HEATR1: variants seen among roughly 807,000 people sequenced by gnomAD.
HEATR1 encodes HEAT repeat containing 1, also known as HEAT repeat-containing protein 1.
Under a neutral mutation model 248.2 loss-of-function variants are expected in HEATR1, and 77 were observed. That is an observed-to-expected ratio of 0.31 (90% CI 0.26 to 0.37). The LOEUF (loss-of-function observed/expected upper bound fraction) is 0.37. Among genes scored for constraint, HEATR1 ranks in the 10% least tolerant of loss-of-function variants. The pLI is 1.00. For synonymous variants in HEATR1, 897 were observed against 923.1 expected (o/e 0.97, Z 0.51); for missense variants, 2,420 against 2,504.9 (o/e 0.97, Z 0.72).
At chr1:236,570,158 G>A (rs1367979489) in intron 28 of HEATR1, among the ~76,000 whole-genome samples, 1 of 152,058 alleles carries the variant, frequency 6.6e-6, no homozygotes, top group South Asian at 2.1e-4. Flanking sequence ...GCGTGGTGGC[G>A]GGTGCCTGTA....
chr1:236,582,795 T>A lies in HEATR1; in HGVS notation c.2503A>T (p.Met835Leu), dbSNP rs1230488285. The change falls in exon 19 of 45, where the codon ATG (methionine) becomes TTG (leucine). Residue 835 changes from methionine (M) to leucine (L), a missense_variant. Physicochemically the swap from Met to Leu is conservative, Grantham distance 15 (BLOSUM62 2). Transcript: ENST00000366582. ...ACAGCATCGGCACCATTGAGCATCA[T>A]CTCAAACAGCCCAATGAGCAAGTGC... ...YLHLLIGLFE[M>L]MLNGADAVHF... The A allele has an allele frequency of 3.7e-6, 6 of 1,614,138 alleles. No homozygotes were observed. The East Asian group carries it at 1.3e-4, about 36-fold the overall frequency.
At position 236,599,391 on chromosome 1, in the gene HEATR1, T is replaced by C. The variant is rs1445186953; in HGVS notation, c.501+92A>G. ...AAATGATGGAGGTAGTTATCTGGAC[T>C]ATCCCCAGGAGCAATGACTTATTTT... On this transcript the variant is annotated intron_variant, in intron 4 of 44. Transcript: ENST00000366582. The C allele has an allele frequency of 3.0e-6, 3 of 987,706 alleles. No homozygotes were observed. In the African/African-American group the frequency reaches 4.9e-5, roughly 16 times the overall value. The allele number at this position is 987,706 out of a possible 1,614,324, so 61.2% of individuals were successfully genotyped here.
chr1:236,567,160 T>C (rs962571061), intron 29 of HEATR1, among the ~76,000 whole-genome samples: 4 of 152,064 alleles, frequency 2.6e-5, no homozygotes, highest in African/African-American at 9.7e-5. Context: ...TTAAAAATTT[T>C]TGTAGAGACG....
intron 35 of HEATR1, 123 bp from the exon 36 acceptor site, chr1:236,558,652 G>T: frequency 1.1e-6 from 1 of 938,412 alleles, no homozygotes; most frequent in Non-Finnish European, 1.6e-6. Flanking sequence ...GAGTCACACA[G>T]TCATGCTAAG....
Position 236,571,300 on chromosome 1 carries a change from G to A in HEATR1, c.3948+51C>T, listed in dbSNP as rs773862808. On this transcript the variant is annotated intron_variant, in intron 28 of 44. Coordinates refer to ENST00000366582, the MANE Select transcript of HEATR1 (RefSeq NM_018072.6). The stretch of plus-strand genomic sequence containing the variant: ...CAACAGGTGCCAGTGCATTTCTGTG[G>A]AAGAAAAATATCTGAAATATCTGCT... The A allele has an allele frequency of 1.9e-6, 3 of 1,547,058 alleles. No individual in the cohort carries two copies. In the African/African-American group the frequency reaches 4.2e-5, roughly 22 times the overall value.
chr1:236,566,610 C>A, intron 30 of HEATR1, 36 bp downstream of exon 30: 1 of 1,436,400 alleles, frequency 7.0e-7, no homozygotes, highest in South Asian at 1.2e-5. Flanking sequence ...TGTGAGAAAT[C>A]ACCATTTTCC....
intron 3 of HEATR1, among the ~76,000 whole-genome samples, 181 bp from the exon 4 acceptor site, chr1:236,599,805 C>G (rs894894829): frequency 1.5e-4 from 23 of 152,174 alleles, no homozygotes; most frequent in African/African-American, 5.5e-4. Context: ...TTCACATATC[C>G]CTCAACATGG....
Position 236,581,204 on chromosome 1 carries a change from C to T in HEATR1, c.2755+18G>A. ...AACAGTTGGTCATGACAAAACATAACAATGCTACTTTTAATACCTGGAGAA... is the reference window on the plus strand; with the variant it reads ...AACAGTTGGTCATGACAAAACATAATAATGCTACTTTTAATACCTGGAGAA... On this transcript the variant is annotated intron_variant, in intron 20 of 44. Transcript: ENST00000366582. 2 of 1,591,542 alleles carry T rather than the reference C, an allele frequency of 1.3e-6. No individual in the cohort carries two copies. The highest frequency in any genetic ancestry group is 1.1e-5 in the South Asian group (1 of 90,218).
intron 8 of HEATR1, 115 bp downstream of exon 8, chr1:236,595,425 A>C (rs1664151622): frequency 2.3e-6 from 2 of 862,998 alleles, no homozygotes; most frequent in Non-Finnish European, 3.4e-6. Flanking sequence ...AAGTTACACA[A>C]GAACAACTGG....
At chr1:236,553,761 C>CTT (rs748314521) in intron 42 of HEATR1, 22 bp from the exon 43 acceptor site, 2 of 1,585,142 alleles carry the variant, frequency 1.3e-6, no homozygotes, top group Admixed American at 3.7e-5. Flanking sequence ...AAGACAAAGA[C>CTT]TTTGAACAAC....
rs138040704 is a variant in HEATR1 at position 236,557,240 on chromosome 1, A to G, written c.5310T>C (p.Thr1770=). The G allele has an allele frequency of 5.1e-5, 82 of 1,614,010 alleles. No homozygotes were observed. The highest frequency in any genetic ancestry group is 6.3e-5 in the Non-Finnish European group (74 of 1,180,026). ...GATAGGGGCTGATGAAGTGCGGGAGAGTCTCCACAACCTTCTGCAGAGCAG... is the reference window on the plus strand; with the variant it reads ...GATAGGGGCTGATGAAGTGCGGGAGGGTCTCCACAACCTTCTGCAGAGCAG... ...ALAALQKVVE[T]LPHFISPYLE... Residue 1770 remains threonine, a synonymous_variant, in exon 37 of 45, where the codon ACT becomes ACC. Coordinates refer to ENST00000366582, the MANE Select transcript of HEATR1 (RefSeq NM_018072.6).
chr1:236,588,942 C>G (rs1188070850), intron 12 of HEATR1, among the ~76,000 whole-genome samples: 1 of 152,212 alleles, frequency 6.6e-6, no homozygotes, highest in African/African-American at 2.4e-5. Flanking sequence ...AAGACCCCAT[C>G]ATTTAAACAA....
intron 11 of HEATR1, among the ~76,000 whole-genome samples, chr1:236,591,208 A>G (rs1233145313): frequency 6.6e-6 from 1 of 152,204 alleles, no homozygotes; most frequent in Non-Finnish European, 1.5e-5. Context: ...TAGTCAAGTA[A>G]TTCTACAAAG....
Position 236,550,841 on chromosome 1 carries a change from A to C in HEATR1, c.*61T>G. On this transcript the variant is annotated 3_prime_UTR_variant, in exon 45 of 45. Coordinates refer to ENST00000366582, the MANE Select transcript of HEATR1 (RefSeq NM_018072.6). ...AAGTAACATGGCACCCAACACCCAAAAATAAAAATATGAAATATGAGTGTG... is the reference window on the plus strand; with the variant it reads ...AAGTAACATGGCACCCAACACCCAACAATAAAAATATGAAATATGAGTGTG... The C allele has an allele frequency of 2.9e-6, 4 of 1,359,042 alleles. No homozygotes were observed. The highest frequency in any genetic ancestry group is 4.1e-6 in the Non-Finnish European group (4 of 982,074). 84.2% of individuals were successfully genotyped at this position (1,359,042 alleles called of 1,614,324 possible).
In HEATR1 at chr1:236,597,966, G is replaced by A. The variant is rs887049487; in HGVS notation, c.515C>T (p.Pro172Leu). 5.0e-6 allele frequency: 8 copies of A among 1,610,418 alleles called. No individual in the cohort carries two copies. The highest frequency in any genetic ancestry group is 4.0e-5 in the African/African-American group (3 of 74,816). ...GGTAATCAAAGTTCCTTTAGCTAAC[G>A]GCACTCCAGATTGCTGTTATTGATG... ...WLLPVKQSGVPLAKGTLITHC... is the reference protein window; with the variant it reads ...WLLPVKQSGVLLAKGTLITHC... Residue 172 changes from proline (P) to leucine (L), a missense_variant, in exon 5 of 45, where the codon CCG (proline) becomes CTG (leucine). By Grantham distance (98) the Pro-to-Leu change is moderately conservative. Coordinates refer to ENST00000366582, the MANE Select transcript of HEATR1 (RefSeq NM_018072.6).
At chr1:236,592,475 A>G in intron 10 of HEATR1, 48 bp downstream of exon 10, 2 of 768,218 alleles carry the variant, frequency 2.6e-6, no homozygotes, top group Non-Finnish European at 4.6e-6. Flanking sequence ...ATATCTTTAT[A>G]GAACAGGAAG....
chr1:236,603,079 T>G, intron 3 of HEATR1, 81 bp downstream of exon 3: 1 of 1,019,590 alleles, frequency 9.8e-7, no homozygotes. Flanking sequence ...TCAGCTTTAA[T>G]TTGATAAGTT....
intron 3 of HEATR1, among the ~76,000 whole-genome samples, chr1:236,600,118 ATTTTTTTTTT>A (rs67344658): frequency 1.2e-3 from 59 of 50,322 alleles, no homozygotes; most frequent in African/African-American, 3.1e-3. Context: ...GTCTGTCAAC[ATTTTTTTTTT>A]TTTTTTTTTT....
Position 236,586,300 on chromosome 1 carries a change from A to G in HEATR1, c.1868T>C (p.Ile623Thr). ...DTESAEMKIA[I>T]YLSKSGICSL... ...GCAGATTCCTGATTTTGATAAATAT[A>G]TAGCAATTTTCATCTCAGCAGATTC... Residue 623 changes from isoleucine (I) to threonine (T), a missense_variant, in exon 15 of 45, where the codon ATA (isoleucine) becomes ACA (threonine). Physicochemically the swap from Ile to Thr is moderately conservative, Grantham distance 89. Transcript: ENST00000366582. 6.2e-7 allele frequency: 1 copy of G among 1,613,608 alleles called. No homozygotes were observed. Among genetic ancestry groups the G allele is most frequent in the South Asian group, 1.1e-5 (1 of 91,058 alleles).
Sources: gnomAD v4.1 joint callset for allele counts (sites outside exome capture counted in the v4.1 genomes callset) on GRCh38, gnomAD v4.1.1 for gene constraint, MANE v1.5 for transcripts, NCBI Gene and HGNC (gene_info 2026-07-23, HGNC 2026-07-21) for gene names.